KIF26B: variants seen among roughly 807,000 people sequenced by gnomAD.
KIF26B encodes kinesin family member 26B, also known as kinesin-like protein KIF26B.
Under a neutral mutation model 151.2 loss-of-function variants are expected in KIF26B, and 63 were observed. The observed-to-expected ratio is 0.42, with a 90% CI of 0.34 to 0.51. The LOEUF (loss-of-function observed/expected upper bound fraction) is 0.51. Among genes scored for constraint, KIF26B ranks in the 20% least tolerant of loss-of-function variants. The probability of loss-of-function intolerance (pLI) is 0.07; values close to 1 mark genes in which losing one functional copy is unlikely to be tolerated. For missense variants in KIF26B, 2,813 were observed against 2,913.6 expected, an observed-to-expected ratio of 0.97 and a Z score of 0.79; for synonymous variants, 1,357 against 1,262.1, an observed-to-expected ratio of 1.08 and a Z score of -1.59.
intron 2 of KIF26B, among the ~76,000 whole-genome samples, chr1:245,174,425 G>GAA (rs906164475): frequency 6.7e-6 from 1 of 149,568 alleles, no homozygotes. Flanking sequence ...AGTAATACAA[G>GAA]AAAAAAAAAG....
intron 2 of KIF26B, among the ~76,000 whole-genome samples, chr1:245,179,496 C>T (rs1377654377): frequency 1.1e-4 from 16 of 152,064 alleles, no homozygotes; most frequent in Admixed American, 2.0e-4. Context: ...TGGTGGTGCG[C>T]GCCTGTAGTC....
At chr1:245,328,591 C>T (rs1410691242) in intron 2 of KIF26B, among the ~76,000 whole-genome samples, 2 of 152,132 alleles carry the variant, frequency 1.3e-5, no homozygotes, top group Admixed American at 6.5e-5. Flanking sequence ...GCACCATGAC[C>T]ACCAACTGAC....
rs558524791 is a variant in KIF26B at position 245,400,848 on chromosome 1, C to T, written c.1000-18731C>T. The stretch of plus-strand genomic sequence containing the variant: ...TTCCATATGTGGTTTGCATTTGTGG[C>T]TCCCATTATATTTCTGTTGGAAAGC... On this transcript the variant is annotated intron_variant, in intron 3 of 14. Coordinates refer to ENST00000407071, the MANE Select transcript of KIF26B (RefSeq NM_018012.4). Among the ~76,000 whole-genome samples, 2 of 151,968 alleles carry T rather than the reference C, an allele frequency of 1.3e-5. 1 individual carries two copies. Among genetic ancestry groups the T allele is most frequent in the African/African-American group, 4.8e-5 (2 of 41,450 alleles).
intron 10 of KIF26B, among the ~76,000 whole-genome samples, chr1:245,656,848 CATTTCATTT>C (rs1388307149): frequency 6.6e-6 from 1 of 151,752 alleles, no homozygotes; most frequent in Non-Finnish European, 1.5e-5. Flanking sequence ...TTCATTCATT[CATTTCATTT>C]ATTTCATGTC....
intron 2 of KIF26B, among the ~76,000 whole-genome samples, chr1:245,205,896 G>C (rs1211183858): frequency 7.0e-6 from 1 of 142,708 alleles, no homozygotes; most frequent in Non-Finnish European, 1.5e-5. Context: ...CCCACATCTG[G>C]CTAATTTAAA....
intron 2 of KIF26B, among the ~76,000 whole-genome samples, chr1:245,354,999 C>T (rs1050985012): frequency 6.6e-6 from 1 of 152,224 alleles, no homozygotes; most frequent in African/African-American, 2.4e-5. Flanking sequence ...CGGCTCGCTG[C>T]AACCTATGCC....
At chr1:245,194,003 AACTTTCCATGG>A (rs992083718) in intron 2 of KIF26B, among the ~76,000 whole-genome samples, 3 of 152,222 alleles carry the variant, frequency 2.0e-5, no homozygotes, top group African/African-American at 7.2e-5. Context: ...ATCATTTATG[AACTTTCCATGG>A]ACTTTTGAAA....
At chr1:245,169,697 G>T (rs1019498796) in intron 2 of KIF26B, among the ~76,000 whole-genome samples, 7 of 152,074 alleles carry the variant, frequency 4.6e-5, no homozygotes, top group Non-Finnish European at 4.4e-5. Context: ...CATCCACTTG[G>T]GGGAAGGAAG....
At chr1:245,573,055 A>G (rs747656578) in intron 5 of KIF26B, among the ~76,000 whole-genome samples, 4 of 152,242 alleles carry the variant, frequency 2.6e-5, no homozygotes, top group Non-Finnish European at 1.5e-5. Context: ...CACACACGGA[A>G]TAACAAGCAA....
chr1:245,702,757 GTTTTC>G lies in KIF26B; in HGVS notation c.*156_*160del. 2.6e-6 allele frequency: 2 copies of G among 780,458 alleles called. No homozygotes were observed. The highest frequency in any genetic ancestry group is 3.9e-6 in the Non-Finnish European group (2 of 518,512). The allele number at this position is 780,458 out of a possible 1,614,324, so 48.3% of individuals were successfully genotyped here. On this transcript the variant is annotated 3_prime_UTR_variant, in exon 15 of 15. Transcript: ENST00000407071. This position sits in a 1 kb window ranked among gnomAD's most constrained non-coding sequence, Gnocchi z 4.1. ...GGAGCGGGCGTTGAGCGGAAGGCGA[GTTTTC>G]TTTTGTTTTCTGTAGGAAAGGTGCA...
At chr1:245,661,120 G>T (rs536416732) in intron 10 of KIF26B, among the ~76,000 whole-genome samples, 1 of 151,736 alleles carries the variant, frequency 6.6e-6, no homozygotes, top group Admixed American at 6.6e-5. Context: ...CCGAGTAGCC[G>T]GGATTATTTG....
chr1:245,644,793 A>G (rs10802234), intron 9 of KIF26B, among the ~76,000 whole-genome samples: 19,187 of 152,122 alleles, frequency 0.13, 1,480 homozygotes, highest in African/African-American at 0.22. Context: ...AGCCTTGAAT[A>G]GTTTTCTCAC....
Position 245,352,733 on chromosome 1 carries a change from C to T in KIF26B, c.466-14101C>T, listed in dbSNP as rs1558399349. On this transcript the variant is annotated intron_variant, in intron 2 of 14. Coordinates refer to ENST00000407071, the MANE Select transcript of KIF26B (RefSeq NM_018012.4). The surrounding 1 kb of genome is among the most constrained non-coding windows in gnomAD (Gnocchi z 5.0). ...TGGGGACGGGGAGGTGAGTTTTCTT[C>T]GCATTTTTGGGAATCTCAACTCCTG... Among the ~76,000 whole-genome samples the T allele has an allele frequency of 2.0e-5, 3 of 152,056 alleles. No homozygotes were observed. The highest frequency in any genetic ancestry group is 2.4e-5 in the African/African-American group (1 of 41,394).
rs1210398326 is a variant in KIF26B at position 245,308,317 on chromosome 1, G to C, written c.466-58517G>C. Among the ~76,000 whole-genome samples the C allele has an allele frequency of 5.3e-5, 8 of 152,224 alleles. No individual in the cohort carries two copies. In the South Asian group the frequency reaches 1.0e-3, roughly 20 times the overall value. Reference sequence around the variant, plus strand: ...GGAACATTTTTTACATGACAAATATGGTGAAATTTAACAGGCTATCAAAGT... The same window carrying C: ...GGAACATTTTTTACATGACAAATATCGTGAAATTTAACAGGCTATCAAAGT... On this transcript the variant is annotated intron_variant, in intron 2 of 14. Coordinates refer to ENST00000407071, the MANE Select transcript of KIF26B (RefSeq NM_018012.4).
intron 10 of KIF26B, among the ~76,000 whole-genome samples, chr1:245,672,682 G>A (rs958143311): frequency 7.9e-5 from 12 of 152,030 alleles, no homozygotes; most frequent in African/African-American, 2.7e-4. Context: ...TGGATAGAGA[G>A]CATAAAATTG....
At chr1:245,314,807 G>A (rs969048030) in intron 2 of KIF26B, among the ~76,000 whole-genome samples, 3 of 152,176 alleles carry the variant, frequency 2.0e-5, no homozygotes, top group Non-Finnish European at 4.4e-5. Flanking sequence ...ATTTTCATAT[G>A]AAATCATTTT....
intron 4 of KIF26B, among the ~76,000 whole-genome samples, chr1:245,435,452 T>C (rs766270622): frequency 3.3e-5 from 5 of 152,220 alleles, no homozygotes; most frequent in Non-Finnish European, 7.3e-5. Flanking sequence ...AATGGTCTTA[T>C]TGGTTCACTT....
In KIF26B at chr1:245,646,170, GA is replaced by G. The variant is rs2043943777; in HGVS notation, c.2151del (p.Ala718LeufsTer51). 6.2e-7 allele frequency: 1 copy of G among 1,614,012 alleles called. No homozygotes were observed. Among genetic ancestry groups the G allele is most frequent in the Non-Finnish European group, 8.5e-7 (1 of 1,179,886 alleles). On this transcript the variant is annotated frameshift_variant, in exon 10 of 15. Coordinates refer to ENST00000407071, the MANE Select transcript of KIF26B (RefSeq NM_018012.4). LOFTEE classifies it high-confidence loss of function. ...ATCTCATTGATCTCGGCAGCTGTGT[GA>G]AAGCTCTTAGCAAAAATCGAGAAGG... ...LHLIDLGSCV[K>X]ALSKNREGGS...
At chr1:245,365,521 A>G (rs58232504) in intron 2 of KIF26B, among the ~76,000 whole-genome samples, 32 of 144,790 alleles carry the variant, frequency 2.2e-4, no homozygotes, top group African/African-American at 7.6e-4. Flanking sequence ...ACTCCCCCCC[A>G]CCAGCCTACA....
Sources: gnomAD v4.1 joint callset for allele counts (sites outside exome capture counted in the v4.1 genomes callset) on GRCh38, gnomAD v4.1.1 for gene constraint, Gnocchi (gnomAD v3.1) non-coding constraint, MANE v1.5 for transcripts, NCBI Gene and HGNC (gene_info 2026-07-23, HGNC 2026-07-21) for gene names.